The following LTBP2 variants were observed in gnomAD, a reference collection of about 807,000 sequenced individuals.
LTBP2 encodes the protein latent transforming growth factor beta binding protein 2.
In LTBP2, 103 loss-of-function variants were observed where a neutral mutation model predicts 210.6. The ratio of observed to expected loss-of-function variants is 0.49; its 90% CI spans 0.42 to 0.58. LTBP2 has a LOEUF of 0.58. Among genes scored for constraint, LTBP2 ranks in the 20% least tolerant of loss-of-function variants. The pLI is 0.00. For synonymous variants in LTBP2, 1,007 were observed against 1,015.0 expected (o/e 0.99, Z 0.15); for missense variants, 2,313 against 2,494.5 (o/e 0.93, Z 1.55).
intron 18 of LTBP2, among the ~76,000 whole-genome samples, chr14:74,512,226 A>G (rs534698096): frequency 1.6e-4 from 25 of 152,358 alleles, no homozygotes; most frequent in African/African-American, 6.0e-4. Flanking sequence ...ACTCTGAGTC[A>G]GCACTGCAGG....
intron 3 of LTBP2, among the ~76,000 whole-genome samples, chr14:74,573,511 G>A (rs930212290): frequency 1.3e-5 from 2 of 152,230 alleles, no homozygotes; most frequent in African/African-American, 4.8e-5. Flanking sequence ...GGTACTGCAG[G>A]TGAGCAGTGG....
At chr14:74,553,823 G>A (rs892144393) in intron 4 of LTBP2, among the ~76,000 whole-genome samples, 1 of 152,064 alleles carries the variant, frequency 6.6e-6, no homozygotes, top group African/African-American at 2.4e-5. Flanking sequence ...GCAGAAGGTT[G>A]AGGGAGAAAT....
chr14:74,504,138 G>T, intron 30 of LTBP2, 84 bp from the exon 31 acceptor site: 2 of 1,553,212 alleles, frequency 1.3e-6, no homozygotes, highest in South Asian at 1.2e-5. Flanking sequence ...GCCAGGCTGG[G>T]TTTGAATCCC....
At chr14:74,506,557 G>A in intron 27 of LTBP2, 141 bp downstream of exon 27, 1 of 1,369,016 alleles carries the variant, frequency 7.3e-7, no homozygotes, top group African/African-American at 1.4e-5. Flanking sequence ...AGGAGTTGAA[G>A]TCTCCCTCTT....
At position 74,505,115 on chromosome 14, in the gene LTBP2, A is replaced by C. The variant is rs758241146; in HGVS notation, c.4237T>G (p.Cys1413Gly). Residue 1413 changes from cysteine (C) to glycine (G), a missense_variant, in exon 29 of 36, where the codon TGC becomes GGC. Cys to Gly is a radical substitution (Grantham distance 159). Coordinates refer to ENST00000261978, the MANE Select transcript of LTBP2 (RefSeq NM_000428.3). ...DHAPAPTRMD[C>G]YSGQKGHAPC... is the part of the protein sequence containing the mutation. ...GCATGGCCCTTCTGCCCGGAGTAGCAGTCCATGCGGGTGGGGGCCGGGGCA... is the reference window on the plus strand; with the variant it reads ...GCATGGCCCTTCTGCCCGGAGTAGCCGTCCATGCGGGTGGGGGCCGGGGCA... The C allele has an allele frequency of 6.2e-7, 1 of 1,613,962 alleles. No individual in the cohort carries two copies. Among genetic ancestry groups the C allele is most frequent in the South Asian group, 1.1e-5 (1 of 91,082 alleles).
intron 3 of LTBP2, among the ~76,000 whole-genome samples, chr14:74,573,153 C>T (rs756697120): frequency 2.6e-5 from 4 of 152,208 alleles, no homozygotes; most frequent in Non-Finnish European, 5.9e-5. Context: ...TGGATGTTTC[C>T]GCACTTGCCT....
chr14:74,527,337 A>G lies in LTBP2; in HGVS notation c.2388+10T>C. 6.2e-7 allele frequency: 1 copy of G among 1,610,940 alleles called. No individual in the cohort carries two copies. ...GCTTGCCCGGCCCCCTAGTGGGAGG[A>G]CGCACTCACCTGGCCAGCCTGAGAG... On this transcript the variant is annotated intron_variant, in intron 13 of 35. Transcript: ENST00000261978.
At chr14:74,555,852 G>A (rs1211142900) in intron 3 of LTBP2, among the ~76,000 whole-genome samples, 159 bp from the exon 4 acceptor site, 1 of 152,230 alleles carries the variant, frequency 6.6e-6, no homozygotes, top group Non-Finnish European at 1.5e-5. Flanking sequence ...AAGGTGCCCT[G>A]AGGCAGAAGG....
intron 34 of LTBP2, 22 bp from the exon 35 acceptor site, chr14:74,501,612 G>A: frequency 6.2e-7 from 1 of 1,613,738 alleles, no homozygotes; most frequent in South Asian, 1.1e-5. Flanking sequence ...AAATCGGAGA[G>A]AGGAGGAGGC....
Position 74,597,299 on chromosome 14 carries a change from C to T in LTBP2, c.565+6336G>A, listed in dbSNP as rs147133743. On this transcript the variant is annotated intron_variant, in intron 2 of 35. Transcript: ENST00000261978. ...CAATACCCAGGGGCAGTTCATGCTC[C>T]GCTTGGCTCCTATGGCCTCCCTCTT... is the stretch of plus-strand genomic sequence containing the variant. 3.9e-5 allele frequency among the ~76,000 whole-genome samples: 6 copies of T among 152,342 alleles called. No homozygotes were observed. The East Asian group carries it at 7.7e-4, about 20-fold the overall frequency.
chr14:74,505,125 G>C lies in LTBP2; in HGVS notation c.4227C>G (p.Thr1409=). 4 of 1,613,846 alleles carry C rather than the reference G, an allele frequency of 2.5e-6. No individual in the cohort carries two copies. The highest frequency in any genetic ancestry group is 3.4e-6 in the Non-Finnish European group (4 of 1,180,036). Residue 1409 remains threonine (T), a synonymous_variant, in exon 29 of 36, where the codon ACC becomes ACG. Transcript: ENST00000261978. ...APTGDHAPAP[T]RMDCYSGQKG... ...TCTGCCCGGAGTAGCAGTCCATGCG[G>C]GTGGGGGCCGGGGCATGGTCCCCCG...
chr14:74,550,429 T>C (rs2087636828), intron 7 of LTBP2, among the ~76,000 whole-genome samples: 1 of 152,126 alleles, frequency 6.6e-6, no homozygotes, highest in African/African-American at 2.4e-5. Context: ...CTCCTCCAGT[T>C]CCCTAATCTC....
chr14:74,563,632 C>CA (rs1347697679), intron 3 of LTBP2, among the ~76,000 whole-genome samples: 1 of 151,660 alleles, frequency 6.6e-6, no homozygotes, highest in Non-Finnish European at 1.5e-5. Context: ...GAAAAGAAAT[C>CA]AAAAAAAGAA....
At chr14:74,572,313 G>C (rs1193828857) in intron 3 of LTBP2, among the ~76,000 whole-genome samples, 1 of 61,908 alleles carries the variant, frequency 1.6e-5, no homozygotes, top group Non-Finnish European at 5.8e-5. Context: ...GTGTCTGTGT[G>C]TGTGTGTGTG....
At chr14:74,588,895 A>G (rs2088245126) in intron 2 of LTBP2, among the ~76,000 whole-genome samples, 1 of 152,210 alleles carries the variant, frequency 6.6e-6, no homozygotes, top group Non-Finnish European at 1.5e-5. Flanking sequence ...TGAGAAGCCC[A>G]GGCTCTTTCC....
intron 8 of LTBP2, among the ~76,000 whole-genome samples, chr14:74,539,076 C>T (rs985026326): frequency 2.6e-5 from 4 of 152,248 alleles, no homozygotes; most frequent in Non-Finnish European, 5.9e-5. Context: ...TGCCAGAGGG[C>T]TGAGGAAAGA....
chr14:74,594,966 G>A (rs1435469183), intron 2 of LTBP2, among the ~76,000 whole-genome samples: 1 of 152,236 alleles, frequency 6.6e-6, no homozygotes, highest in Non-Finnish European at 1.5e-5. Flanking sequence ...GCTGTGCCAG[G>A]ACCATGGCTC....
intron 2 of LTBP2, among the ~76,000 whole-genome samples, chr14:74,602,501 G>A (rs143385590): frequency 1.2e-4 from 18 of 152,286 alleles, no homozygotes; most frequent in African/African-American, 4.3e-4. Flanking sequence ...TAAGAAGAGG[G>A]ACCCTGGTGT....
chr14:74,596,624 G>C (rs1566654219), intron 2 of LTBP2, among the ~76,000 whole-genome samples: 1 of 152,208 alleles, frequency 6.6e-6, no homozygotes, highest in Non-Finnish European at 1.5e-5. Flanking sequence ...TCACCCAGGA[G>C]AGCTGTGACA....
Sources: gnomAD v4.1 joint callset for allele counts (sites outside exome capture counted in the v4.1 genomes callset) on GRCh38, gnomAD v4.1.1 for gene constraint, MANE v1.5 for transcripts, NCBI Gene and HGNC (gene_info 2026-07-23, HGNC 2026-07-21) for gene names.